ANKRD44: variants seen among roughly 807,000 people sequenced by gnomAD.
ANKRD44 encodes ankyrin repeat domain 44, also known as serine/threonine-protein phosphatase 6 regulatory ankyrin repeat subunit B.
Under a neutral mutation model 116.0 loss-of-function variants are expected in ANKRD44, and 35 were observed. That is an observed-to-expected ratio of 0.30 (90% CI 0.23 to 0.40). The LOEUF (loss-of-function observed/expected upper bound fraction) is 0.40. Among genes scored for constraint, ANKRD44 ranks in the 10% least tolerant of loss-of-function variants. The pLI is 1.00. For missense variants in ANKRD44, 1,014 were observed against 1,242.6 expected (o/e 0.82, Z 2.77); for synonymous variants, 435 against 461.8 (o/e 0.94, Z 0.74).
At chr2:197,018,890 T>C (rs759027691) in intron 17 of ANKRD44, among the ~76,000 whole-genome samples, 1 of 152,168 alleles carries the variant, frequency 6.6e-6, no homozygotes, top group Admixed American at 6.5e-5. Context: ...TTCTTATAGA[T>C]GAAAAAACCA....
intron 1 of ANKRD44, among the ~76,000 whole-genome samples, chr2:197,307,583 T>C (rs2084110378): frequency 6.7e-6 from 1 of 149,042 alleles, no homozygotes; most frequent in Non-Finnish European, 1.5e-5. Flanking sequence ...AAAATTACAC[T>C]GGTCTCTCCC....
rs759553414 is a variant in ANKRD44, at chr2:197,013,700, G to T, written c.1735C>A (p.His579Asn). Residue 579 changes from histidine (H) to asparagine (N), a missense_variant, in exon 18 of 28, where the codon CAC (histidine) becomes AAC (asparagine). Physicochemically the swap from His to Asn is moderately conservative, Grantham distance 68. Coordinates refer to ENST00000282272, the MANE Select transcript of ANKRD44 (RefSeq NM_001195144.2). ...AGAAGGACTTCCAAGGCTTGATGGTGCCCATTGTAGGCCTGCAAAGAAGAA... is the reference window on the plus strand; with the variant it reads ...AGAAGGACTTCCAAGGCTTGATGGTTCCCATTGTAGGCCTGCAAAGAAGAA... ...SPLHLAAYNG[H>N]HQALEVLLQS... The T allele has an allele frequency of 6.2e-7, 1 of 1,612,824 alleles. No homozygotes were observed. The highest frequency in any genetic ancestry group is 1.1e-5 in the South Asian group (1 of 91,010).
chr2:197,244,997 G>T (rs116482939), intron 1 of ANKRD44, among the ~76,000 whole-genome samples: 1 of 152,150 alleles, frequency 6.6e-6, no homozygotes, highest in Non-Finnish European at 1.5e-5. Flanking sequence ...AATAAAGGCC[G>T]GGTGTGGTAG....
chr2:197,048,128 A>C (rs2077037542), intron 16 of ANKRD44, among the ~76,000 whole-genome samples: 1 of 152,160 alleles, frequency 6.6e-6, no homozygotes, highest in Admixed American at 6.6e-5. Flanking sequence ...AATTTTGGCA[A>C]ATTATGAAAA....
chr2:197,193,618 AC>A (rs2080875321), intron 1 of ANKRD44, among the ~76,000 whole-genome samples: 1 of 152,136 alleles, frequency 6.6e-6, no homozygotes, highest in Non-Finnish European at 1.5e-5. Flanking sequence ...GGTGGCTCAC[AC>A]CTGTAATCCC....
chr2:197,189,563 G>A (rs1331260998), intron 1 of ANKRD44, among the ~76,000 whole-genome samples: 2 of 152,166 alleles, frequency 1.3e-5, no homozygotes, highest in Non-Finnish European at 2.9e-5. Flanking sequence ...CACAAATTCA[G>A]GGTTTCGACA....
chr2:197,149,010 G>A (rs1257846534), intron 2 of ANKRD44, among the ~76,000 whole-genome samples: 1 of 152,204 alleles, frequency 6.6e-6, no homozygotes, highest in Non-Finnish European at 1.5e-5. Flanking sequence ...TATATAAGCT[G>A]AGAACAGATT....
intron 26 of ANKRD44, among the ~76,000 whole-genome samples, chr2:196,993,938 G>C (rs996772851): frequency 2.6e-5 from 4 of 152,164 alleles, no homozygotes; most frequent in Non-Finnish European, 4.4e-5. Context: ...TAAATACGAA[G>C]ACAGAGGAAG....
At chr2:197,068,114 A>G (rs1394450528) in intron 16 of ANKRD44, among the ~76,000 whole-genome samples, 3 of 123,950 alleles carry the variant, frequency 2.4e-5, no homozygotes, top group African/African-American at 9.1e-5. Flanking sequence ...CGCAAGAACA[A>G]AAAACCAAAC....
chr2:197,046,663 G>T (rs1249707235), intron 16 of ANKRD44, among the ~76,000 whole-genome samples: 9 of 148,412 alleles, frequency 6.1e-5, no homozygotes, highest in Middle Eastern at 3.5e-3. Flanking sequence ...AAGCTCCATA[G>T]TTATTTGCAC....
chr2:197,188,702 A>G (rs532531684), intron 1 of ANKRD44, among the ~76,000 whole-genome samples: 2 of 152,202 alleles, frequency 1.3e-5, no homozygotes, highest in South Asian at 4.1e-4. Context: ...GACAAGATGG[A>G]GTAGTTGATA....
intron 13 of ANKRD44, among the ~76,000 whole-genome samples, chr2:197,084,430 T>C (rs1444116037): frequency 6.6e-6 from 1 of 152,186 alleles, no homozygotes; most frequent in Non-Finnish European, 1.5e-5. Flanking sequence ...TCATCACATA[T>C]TGCCTTGATT....
intron 2 of ANKRD44, among the ~76,000 whole-genome samples, chr2:197,157,225 A>AT (rs1408826701): frequency 1.3e-5 from 2 of 152,224 alleles, no homozygotes; most frequent in African/African-American, 4.8e-5. Context: ...AACAAAATTT[A>AT]TTCAGTTAAT....
rs748163613 is a variant in ANKRD44 at position 196,969,599 on chromosome 2, A to C, written c.2369-2153T>G. ...TACAACAGAAAGTGATATACCAGCT[A>C]CATTGCTAGTGGCATCTACATTGCT... On this transcript the variant is annotated intron_variant, in intron 21 of 21. Transcript: ENST00000424317. Among the ~76,000 whole-genome samples the C allele has an allele frequency of 7.9e-5, 12 of 152,378 alleles. 1 individual carries two copies. The highest frequency in any genetic ancestry group is 5.2e-4 in the Admixed American group (8 of 15,302).
At chr2:197,182,110 A>C (rs1022075630) in intron 2 of ANKRD44, among the ~76,000 whole-genome samples, 1 of 152,216 alleles carries the variant, frequency 6.6e-6, no homozygotes, top group Non-Finnish European at 1.5e-5. Flanking sequence ...TTGGTTTATA[A>C]AATCTCTGCC....
chr2:197,155,894 A>G (rs2079797224), intron 2 of ANKRD44, among the ~76,000 whole-genome samples: 1 of 152,206 alleles, frequency 6.6e-6, no homozygotes, highest in Non-Finnish European at 1.5e-5. Context: ...GACTGGGGGA[A>G]CATATTTGTA....
chr2:197,231,299 G>A (rs908762374), intron 1 of ANKRD44, among the ~76,000 whole-genome samples: 8 of 152,160 alleles, frequency 5.3e-5, no homozygotes, highest in Admixed American at 1.3e-4. Context: ...GTGTGGTGGT[G>A]TGTATCTATA....
intron 1 of ANKRD44, 145 bp downstream of exon 1, chr2:197,310,433 G>T (rs1307845335): frequency 7.1e-6 from 3 of 419,994 alleles, no homozygotes; most frequent in Non-Finnish European, 9.5e-6. Flanking sequence ...CGGGCTCTCG[G>T]AGGCACCGGC....
chr2:197,095,538 G>A (rs571822679), intron 10 of ANKRD44, among the ~76,000 whole-genome samples: 13 of 152,292 alleles, frequency 8.5e-5, no homozygotes, highest in African/African-American at 2.6e-4. Context: ...CAGCCACCAG[G>A]ACCATAATCC....
Sources: allele counts gnomAD v4.1 joint callset (sites outside exome capture counted in the v4.1 genomes callset), GRCh38; gene constraint gnomAD v4.1.1; transcripts MANE v1.5; gene names NCBI Gene and HGNC (gene_info 2026-07-23, HGNC 2026-07-21).